The following CFAP299 variants were observed in gnomAD, a reference collection of about 807,000 sequenced individuals.
The protein encoded by CFAP299 is cilia and flagella associated protein 299.
Under a neutral mutation model 27.0 loss-of-function variants are expected in CFAP299, and 21 were observed. The observed-to-expected ratio is 0.78, with a 90% CI of 0.55 to 1.12. The LOEUF (loss-of-function observed/expected upper bound fraction) is 1.12. CFAP299 is among the 50% of genes most tolerant of loss of function. The probability of loss-of-function intolerance (pLI) is 0.00; values close to 1 mark genes in which losing one functional copy is unlikely to be tolerated. For synonymous variants in CFAP299, 104 were observed against 98.1 expected (o/e 1.06, Z -0.36); for missense variants, 310 against 276.6 (o/e 1.12, Z -0.86).
At chr4:80,846,558 A>G (rs756319528) in intron 3 of CFAP299, among the ~76,000 whole-genome samples, 1 of 152,198 alleles carries the variant, frequency 6.6e-6, no homozygotes, top group Non-Finnish European at 1.5e-5. Context: ...GAGGTTGACA[A>G]TTATAATGAG....
At chr4:80,462,116 G>C (rs1729467202) in intron 2 of CFAP299, among the ~76,000 whole-genome samples, 1 of 152,160 alleles carries the variant, frequency 6.6e-6, no homozygotes, top group African/African-American at 2.4e-5. Flanking sequence ...ACTTAGTGCA[G>C]TACAAGACAA....
At chr4:80,512,792 T>G (rs1049483604) in intron 2 of CFAP299, among the ~76,000 whole-genome samples, 1 of 152,146 alleles carries the variant, frequency 6.6e-6, no homozygotes, top group Non-Finnish European at 1.5e-5. Flanking sequence ...CTCTGCAAGA[T>G]TAACTTCAAT....
intron 2 of CFAP299, among the ~76,000 whole-genome samples, chr4:80,549,519 T>C (rs1734399533): frequency 6.6e-6 from 1 of 152,126 alleles, no homozygotes; most frequent in Non-Finnish European, 1.5e-5. Context: ...TTAAGTAAAT[T>C]TTAGAAACAC....
intron 3 of CFAP299, among the ~76,000 whole-genome samples, chr4:80,668,830 A>AT (rs1202875456): frequency 1.3e-5 from 2 of 151,964 alleles, no homozygotes; most frequent in East Asian, 3.9e-4. Context: ...AAATTTTAGG[A>AT]TTTTTTTCTA....
At chr4:80,673,236 C>T (rs745346023) in intron 3 of CFAP299, among the ~76,000 whole-genome samples, 11 of 152,080 alleles carry the variant, frequency 7.2e-5, no homozygotes, top group African/African-American at 1.4e-4. Flanking sequence ...TTTCAAATAA[C>T]GTCTTTATTT....
chr4:80,760,004 C>G (rs1030380267), intron 3 of CFAP299, among the ~76,000 whole-genome samples: 4 of 151,916 alleles, frequency 2.6e-5, no homozygotes, highest in Admixed American at 1.3e-4. Context: ...GAAATGTATC[C>G]AGGGCCAGAG....
At position 80,860,704 on chromosome 4, in the gene CFAP299, C is replaced by T. The variant is rs539491923; in HGVS notation, c.334-9289C>T. Among the ~76,000 whole-genome samples, 402 of 152,294 alleles carry T rather than the reference C, an allele frequency of 2.6e-3. 2 individuals are homozygous for T. The highest frequency in any genetic ancestry group is 9.3e-3 in the African/African-American group (387 of 41,554). On this transcript the variant is annotated intron_variant, in intron 3 of 5. Coordinates refer to ENST00000358105, the MANE Select transcript of CFAP299 (RefSeq NM_152770.3). Reference sequence around the variant, plus strand: ...ACACTGTTTGCCTGGGTATCAGCAGCGGTGTCTGCAGAACAGTGGTTTTTC... The same window carrying T: ...ACACTGTTTGCCTGGGTATCAGCAGTGGTGTCTGCAGAACAGTGGTTTTTC...
At chr4:80,463,845 A>G (rs984018901) in intron 2 of CFAP299, among the ~76,000 whole-genome samples, 1 of 152,166 alleles carries the variant, frequency 6.6e-6, no homozygotes, top group Non-Finnish European at 1.5e-5. Context: ...CACTGAAGTC[A>G]TGTTTTCCTA....
chr4:80,577,767 C>A (rs1286021120), intron 2 of CFAP299, among the ~76,000 whole-genome samples: 2 of 151,720 alleles, frequency 1.3e-5, no homozygotes, highest in Admixed American at 1.3e-4. Context: ...CATTAAAAAT[C>A]CAAAAAATAA....
intron 2 of CFAP299, among the ~76,000 whole-genome samples, chr4:80,380,951 A>C (rs1039398942): frequency 1.3e-5 from 2 of 152,106 alleles, no homozygotes; most frequent in African/African-American, 4.8e-5. Flanking sequence ...TCTAATATCT[A>C]GTATAATTGT....
intron 3 of CFAP299, among the ~76,000 whole-genome samples, chr4:80,761,487 T>C (rs1369394983): frequency 1.3e-5 from 2 of 152,056 alleles, no homozygotes; most frequent in South Asian, 2.1e-4. Context: ...TACAATGATA[T>C]ACTGTATTTT....
chr4:80,688,676 G>C (rs970492646), intron 3 of CFAP299, among the ~76,000 whole-genome samples: 6 of 152,204 alleles, frequency 3.9e-5, no homozygotes, highest in Non-Finnish European at 7.3e-5. Context: ...ACCAGCAACG[G>C]AACAAAGCTG....
chr4:80,947,245 A>C (rs1404100117), intron 5 of CFAP299, among the ~76,000 whole-genome samples: 1 of 152,198 alleles, frequency 6.6e-6, no homozygotes, highest in Non-Finnish European at 1.5e-5. Flanking sequence ...AATAAAGAGC[A>C]AGCATTTGGT....
chr4:80,562,975 G>A (rs549309595), intron 2 of CFAP299, among the ~76,000 whole-genome samples: 1 of 152,018 alleles, frequency 6.6e-6, no homozygotes, highest in South Asian at 2.1e-4. Flanking sequence ...ATGATAAAGA[G>A]GTCAATTCAG....
intron 3 of CFAP299, among the ~76,000 whole-genome samples, chr4:80,611,789 T>C (rs998834620): frequency 6.6e-6 from 1 of 152,038 alleles, no homozygotes; most frequent in African/African-American, 2.4e-5. Context: ...AGACTGAATA[T>C]GTTACCTGAA....
rs78856005 is a variant in CFAP299 at position 80,881,301 on chromosome 4, A to G, written c.476+11166A>G. 2.0e-3 allele frequency among the ~76,000 whole-genome samples: 304 copies of G among 152,320 alleles called. 12 individuals are homozygous for G. The East Asian group carries it at 0.049, about 25-fold the overall frequency. On this transcript the variant is annotated intron_variant, in intron 4 of 5. Transcript: ENST00000358105. The stretch of plus-strand genomic sequence containing the variant: ...GGTTCTTCCTCCAGAAAAGACAGAA[A>G]GAAGTGAAGGGGCCTTATCTCCTGC...
intron 5 of CFAP299, among the ~76,000 whole-genome samples, chr4:80,953,531 A>G (rs1194163141): frequency 6.6e-6 from 1 of 152,226 alleles, no homozygotes; most frequent in Admixed American, 6.5e-5. Flanking sequence ...TTAAAATTAT[A>G]TAACAGAGCT....
Position 80,870,084 on chromosome 4 carries a change from A to T in CFAP299, c.425A>T (p.Glu142Val). 10 of 1,613,826 alleles carry T rather than the reference A, an allele frequency of 6.2e-6. No individual in the cohort carries two copies. The highest frequency in any genetic ancestry group is 8.5e-6 in the Non-Finnish European group (10 of 1,179,820). Residue 142 changes from glutamate (E) to valine (V), a missense_variant, in exon 4 of 6, where the codon GAA becomes GTA. Glu to Val is a moderately radical substitution (Grantham distance 121). Transcript: ENST00000358105. ...YAHRLKTEDF[E>V]VYFTGKKRLL... ...CACAGGCTAAAGACGGAAGATTTTG[A>T]AGTCTACTTTACTGGAAAAAAAAGA...
At chr4:80,954,704 A>ATC (rs1284109754) in intron 5 of CFAP299, among the ~76,000 whole-genome samples, 1 of 152,066 alleles carries the variant, frequency 6.6e-6, no homozygotes, top group Non-Finnish European at 1.5e-5. Flanking sequence ...TATTTTTAAA[A>ATC]TCTGTTAAGT....
Sources: gnomAD v4.1 joint callset for allele counts (sites outside exome capture counted in the v4.1 genomes callset) on GRCh38, gnomAD v4.1.1 for gene constraint, MANE v1.5 for transcripts, NCBI Gene and HGNC (gene_info 2026-07-23, HGNC 2026-07-21) for gene names.